The following SPDYE10 variants were observed in gnomAD, a reference collection of about 807,000 sequenced individuals.
The protein encoded by SPDYE10 is speedy protein E10.
At chr7:73,154,800 GGCAGCAACAGCAGCAACA>G in the SPDYE10 span, 1 of 205,248 alleles carries the variant, frequency 4.9e-6, no homozygotes, top group Non-Finnish European at 1.0e-5. Flanking sequence ...CAGCCCCCGC[GGCAGCAACAGCAGCAACA>G]GCAGCAGCAG....
chr7:73,141,111 C>CAGAG, the SPDYE10 span, among the ~76,000 whole-genome samples: 3 of 145,534 alleles, frequency 2.1e-5, no homozygotes, highest in Admixed American at 6.8e-5. Flanking sequence ...CACACACACA[C>CAGAG]AGACAAAATT....
chr7:73,150,722 A>T, the SPDYE10 span, among the ~76,000 whole-genome samples: 6 of 119,888 alleles, frequency 5.0e-5, no homozygotes, highest in Non-Finnish European at 1.0e-4. Context: ...ACTCTGTCTC[A>T]AAAACAAACA....
the SPDYE10 span, among the ~76,000 whole-genome samples, chr7:73,131,139 G>A: frequency 8.0e-6 from 1 of 124,820 alleles, no homozygotes; most frequent in Non-Finnish European, 1.6e-5. Context: ...TTAAGAGGCT[G>A]CAGTGAGCCA....
chr7:73,147,785 A>G, the SPDYE10 span, among the ~76,000 whole-genome samples: 949 of 146,252 alleles, frequency 6.5e-3, no homozygotes, highest in Non-Finnish European at 9.0e-3. Context: ...ATAAGCCACC[A>G]TACCTGGCCT....
the SPDYE10 span, among the ~76,000 whole-genome samples, chr7:73,137,442 A>T: frequency 1.7e-4 from 25 of 150,692 alleles, no homozygotes; most frequent in Admixed American, 1.6e-3. Context: ...GAATCGCTTG[A>T]ACCTGGAAGG....
the SPDYE10 span, among the ~76,000 whole-genome samples, chr7:73,125,062 G>A: frequency 7.1e-6 from 1 of 140,610 alleles, no homozygotes; most frequent in Non-Finnish European, 1.5e-5. Context: ...AAAGACAAGG[G>A]GTTGTCCCCA....
the SPDYE10 span, among the ~76,000 whole-genome samples, chr7:73,134,707 C>T: frequency 6.6e-5 from 10 of 152,224 alleles, no homozygotes; most frequent in Admixed American, 5.2e-4. Context: ...ACTAAAAATA[C>T]AAGAATTAGC....
the SPDYE10 span, among the ~76,000 whole-genome samples, chr7:73,122,436 C>G: frequency 1.3e-5 from 2 of 152,250 alleles, no homozygotes; most frequent in African/African-American, 4.8e-5. Context: ...CAAAAATTAG[C>G]TGGGTGTGGT....
chr7:73,137,601 A>T, the SPDYE10 span, among the ~76,000 whole-genome samples: 6 of 74,398 alleles, frequency 8.1e-5, no homozygotes, highest in South Asian at 4.0e-4. Context: ...GATGAAAGAA[A>T]GAAAGAAAGA....
At chr7:73,115,586 T>C in the SPDYE10 span, among the ~76,000 whole-genome samples, 1 of 136,912 alleles carries the variant, frequency 7.3e-6, no homozygotes, top group African/African-American at 3.1e-5. Context: ...GGAGTAGAGA[T>C]CAGAAAAGGG....
chr7:73,116,822 C>G, the SPDYE10 span, among the ~76,000 whole-genome samples: 47 of 150,242 alleles, frequency 3.1e-4, no homozygotes, highest in Admixed American at 4.6e-4. Context: ...CTCAAGCATT[C>G]CTCCCGCTTC....
chr7:73,152,008 TG>T, the SPDYE10 span, among the ~76,000 whole-genome samples: 1 of 151,548 alleles, frequency 6.6e-6, no homozygotes, highest in Non-Finnish European at 1.5e-5. Context: ...GTTGTTGTTT[TG>T]TTTTTTGTGT....
the SPDYE10 span, among the ~76,000 whole-genome samples, chr7:73,137,593 T>TGAAAGAAAGAAA: frequency 0.03 from 2,091 of 70,280 alleles, 1 homozygote; most frequent in South Asian, 0.034. Flanking sequence ...AAAGAAGAGA[T>TGAAAGAAAGAAA]GAAAGAAAGA....
chr7:73,114,956 G>T, the SPDYE10 span, among the ~76,000 whole-genome samples: 1 of 151,132 alleles, frequency 6.6e-6, no homozygotes, highest in Non-Finnish European at 1.5e-5. Context: ...ATCCAGGCTG[G>T]AGTGCACTGG....
At chr7:73,111,786 G>T in the SPDYE10 span, among the ~76,000 whole-genome samples, 2 of 23,052 alleles carry the variant, frequency 8.7e-5, no homozygotes, top group Admixed American at 6.8e-4. Flanking sequence ...TTTTTTTTGA[G>T]ATAGCATCTC....
At chr7:73,123,212 C>T in the SPDYE10 span, among the ~76,000 whole-genome samples, 3 of 152,232 alleles carry the variant, frequency 2.0e-5, no homozygotes, top group African/African-American at 7.2e-5. Context: ...GCATCTGTAG[C>T]TCTTGCCTGA....
At chr7:73,147,846 G>A in the SPDYE10 span, among the ~76,000 whole-genome samples, 1 of 150,118 alleles carries the variant, frequency 6.7e-6, no homozygotes, top group Non-Finnish European at 1.5e-5. Flanking sequence ...GAGTCTAGTT[G>A]CCCAGGCTGG....
At chr7:73,135,091 A>G in the SPDYE10 span, among the ~76,000 whole-genome samples, 33 of 152,250 alleles carry the variant, frequency 2.2e-4, no homozygotes, top group Non-Finnish European at 4.4e-5. Flanking sequence ...GATCTGACTC[A>G]TAGGTGTTCC....
At chr7:73,123,788 C>CCTCTCTCTCTCTCTCTCTCT in the SPDYE10 span, among the ~76,000 whole-genome samples, 327 of 97,376 alleles carry the variant, frequency 3.4e-3, 10 homozygotes, top group Admixed American at 4.2e-3. Context: ...TCTCTCTCTC[C>CCTCTCTCTCTCTCTCTCTCT]CTCTCTCTCT....
Sources: gnomAD v4.1 joint callset for allele counts (sites outside exome capture counted in the v4.1 genomes callset) on GRCh38, gnomAD v4.1.1 for gene constraint, MANE v1.5 for transcripts, NCBI Gene and HGNC (gene_info 2026-07-23, HGNC 2026-07-21) for gene names.